PUF60: variants seen among roughly 807,000 people sequenced by gnomAD.
PUF60 encodes poly(U)-binding-splicing factor PUF60.
A neutral mutation model predicts 61.8 loss-of-function variants in PUF60; 10 were observed. The observed-to-expected ratio is 0.16, with a 90% confidence interval of 0.10 to 0.27. The LOEUF (loss-of-function observed/expected upper bound fraction) is 0.27, where lower values mean the gene tolerates loss of function less well. Among genes scored for constraint, PUF60 ranks in the 10% least tolerant of loss-of-function variants. The pLI, the probability that PUF60 is intolerant of heterozygous loss-of-function variation, is 1.00. For synonymous variants in PUF60, 353 were observed against 300.9 expected (o/e 1.17, Z -1.79); for missense variants, 371 against 754.0 (o/e 0.49, Z 5.95).
At chr8:143,821,386 G>A (rs535966661) in intron 4 of PUF60, 7 of 605,310 alleles carry the variant, frequency 1.2e-5, no homozygotes, top group African/African-American at 1.8e-5. Flanking sequence ...GGGCTGCGGC[G>A]CTTTAGGGGC....
chr8:143,824,263 C>CCCTCT (rs1817380083), intron 2 of PUF60, 50 bp downstream of exon 2: 22 of 1,460,972 alleles, frequency 1.5e-5, no homozygotes, highest in Non-Finnish European at 2.0e-5. Context: ...GGCGGGCGGG[C>CCCTCT]GGGCGGGCAG....
chr8:143,817,678 G>T lies in PUF60; in HGVS notation c.922C>A (p.Pro308Thr). Residue 308 changes from proline (P) to threonine (T), a missense_variant, in exon 9 of 12, where the codon CCC becomes ACC. Around this residue, in one of 13 missense-constraint regions of PUF60, gnomAD observed 17 missense variants for 19.2 expected, o/e 0.89. Coordinates refer to ENST00000526683, the MANE Select transcript of PUF60 (RefSeq NM_078480.3). The surrounding 1 kb of genome is among the most constrained non-coding windows in gnomAD (Gnocchi z 7.4). ...CCAGGCGTGGCTGGTGTGAGTAGGG[G>T]CATGGGCGGTGTGACAGCCTTGCCC... ...RVGKAVTPPM[P>T]LLTPATPGGL... is the part of the protein sequence containing the mutation. The T allele has an allele frequency of 6.2e-7, 1 of 1,612,668 alleles. No homozygotes were observed. The highest frequency in any genetic ancestry group is 8.5e-7 in the Non-Finnish European group (1 of 1,179,864).
chr8:143,823,878 G>A (rs1817307471), intron 2 of PUF60, among the ~76,000 whole-genome samples: 1 of 152,274 alleles, frequency 6.6e-6, no homozygotes, highest in Non-Finnish European at 1.5e-5. Flanking sequence ...CTTGCGCATT[G>A]CTTCACTGTT....
In PUF60 at chr8:143,817,878, C is replaced by T; in HGVS notation, c.801G>A (p.Lys267=). The part of the protein sequence containing the change: ...LARDPTTGKH[K]GYGFIEYEKA... Reference sequence around the variant, plus strand: ...CCAGCTCACCAATGAAGCCGTAGCCCTTGTGCTTGCCAGTTGTGGGGTCCC... The same window carrying T: ...CCAGCTCACCAATGAAGCCGTAGCCTTTGTGCTTGCCAGTTGTGGGGTCCC... The change falls in exon 8 of 12, where the codon AAG becomes AAA. Residue 267 remains lysine (K), a synonymous_variant. Coordinates refer to ENST00000526683, the MANE Select transcript of PUF60 (RefSeq NM_078480.3). This position sits in a 1 kb window ranked among gnomAD's most constrained non-coding sequence, Gnocchi z 7.4. The T allele has an allele frequency of 3.1e-6, 5 of 1,612,384 alleles. No individual in the cohort carries two copies. Among genetic ancestry groups the T allele is most frequent in the Admixed American group, 1.7e-5 (1 of 59,998 alleles).
Position 143,818,102 on chromosome 8 carries a change from G to C in PUF60, c.604-27C>G, listed in dbSNP as rs1451958399. ...TGGGGAAGAGGCGGTGAGATGGAAA[G>C]ACCGGTCAACCCAGGCCCGGCCACA... On this transcript the variant is annotated intron_variant, in intron 7 of 11. Transcript: ENST00000526683. This position sits in a 1 kb window ranked among gnomAD's most constrained non-coding sequence, Gnocchi z 7.9. 20 of 1,608,022 alleles carry C rather than the reference G, an allele frequency of 1.2e-5. No individual in the cohort carries two copies. Among genetic ancestry groups the C allele is most frequent in the Non-Finnish European group, 1.7e-5 (20 of 1,177,404 alleles).
Position 143,817,270 on chromosome 8 carries a change from G to A in PUF60, c.1144+61C>T, listed in dbSNP as rs1833166188. ...GACCACCAGGGCCAGGCAGCTGAGGGCAGCGAGCCGAGAGATGCCAGGACA... is the reference window on the plus strand; with the variant it reads ...GACCACCAGGGCCAGGCAGCTGAGGACAGCGAGCCGAGAGATGCCAGGACA... On this transcript the variant is annotated intron_variant, in intron 10 of 11. Transcript: ENST00000526683. The surrounding 1 kb of genome is among the most constrained non-coding windows in gnomAD (Gnocchi z 7.4). The A allele has an allele frequency of 1.3e-6, 2 of 1,546,932 alleles. No individual in the cohort carries two copies. Among genetic ancestry groups the A allele is most frequent in the South Asian group, 2.5e-5 (2 of 80,486 alleles).
intron 2 of PUF60, chr8:143,822,414 C>T (rs1184174062): frequency 2.3e-6 from 1 of 443,092 alleles, no homozygotes; most frequent in African/African-American, 2.0e-5. Context: ...AAGGGGCCCA[C>T]CCAAGGAGCT....
intron 11 of PUF60, 21 bp from the exon 12 acceptor site, chr8:143,816,840 G>T (rs1204398748): frequency 2.5e-6 from 4 of 1,608,154 alleles, no homozygotes; most frequent in African/African-American, 2.7e-5. Flanking sequence ...GGGCCGAGGG[G>T]AAGACAGCTG....
intron 1 of PUF60, 52 bp downstream of exon 1, chr8:143,829,228 A>G: frequency 1.6e-6 from 2 of 1,238,778 alleles, no homozygotes; most frequent in Non-Finnish European, 2.0e-6. Flanking sequence ...TGGGTCGACG[A>G]CCCGGCCCCG....
At chr8:143,828,469 G>T (rs1348974191) in intron 1 of PUF60, among the ~76,000 whole-genome samples, 1 of 152,216 alleles carries the variant, frequency 6.6e-6, no homozygotes, top group Non-Finnish European at 1.5e-5. Flanking sequence ...TGTGTGCATG[G>T]GTGTTCTCCC....
rs1176092807 is a variant in PUF60 at position 143,816,904 on chromosome 8, G to A, written c.1380+6C>T. ...TCCCCCGCCACCACCCTGCCCCTCT[G>A]CCTACCTCCTGCTTGCGGAGCAGCT... On this transcript the variant is annotated splice_donor_region_variant and intron_variant, in intron 11 of 11. Transcript: ENST00000526683. The A allele has an allele frequency of 6.5e-7, 1 of 1,548,284 alleles. No homozygotes were observed.
chr8:143,827,342 G>C (rs1398954653), intron 1 of PUF60: 1 of 456,114 alleles, frequency 2.2e-6, no homozygotes, highest in Admixed American at 2.3e-5. Context: ...TGAAGAGAAC[G>C]GAGCCATGCG....
chr8:143,821,106 C>T (rs1394280053), intron 4 of PUF60, among the ~76,000 whole-genome samples: 5 of 152,256 alleles, frequency 3.3e-5, no homozygotes, highest in Admixed American at 3.3e-4. Flanking sequence ...ATCGCAGCCT[C>T]CGGCCACAGG....
In PUF60 at chr8:143,824,359, G is replaced by A. The variant is rs1437292352; in HGVS notation, c.65C>T (p.Ala22Val). Residue 22 changes from alanine (A) to valine (V), a missense_variant, in exon 2 of 12, where the codon GCG (alanine) becomes GTG (valine). By Grantham distance (64) the Ala-to-Val change is moderately conservative. Coordinates refer to ENST00000526683, the MANE Select transcript of PUF60 (RefSeq NM_078480.3). ...GQQGGGSEPA[A>V]AAAVVAAGDK... is the part of the protein sequence containing the mutation. Reference sequence around the variant, plus strand: ...TCCCGCTGCCACCACTGCCGCCGCCGCCGCCGGCTCGGACCCCCCTCCTTG... The same window carrying A: ...TCCCGCTGCCACCACTGCCGCCGCCACCGCCGGCTCGGACCCCCCTCCTTG... 29 of 1,612,556 alleles carry A rather than the reference G, an allele frequency of 1.8e-5. No individual in the cohort carries two copies. Among genetic ancestry groups the A allele is most frequent in the East Asian group, 4.5e-5 (2 of 44,876 alleles).
At position 143,818,726 on chromosome 8, in the gene PUF60, G is replaced by T. The variant is rs1324520729; in HGVS notation, c.349-192C>A. The T allele has an allele frequency of 6.3e-6, 4 of 638,114 alleles. No individual in the cohort carries two copies. The highest frequency in any genetic ancestry group is 1.1e-5 in the Non-Finnish European group (4 of 378,938). The allele number at this position is 638,114 out of a possible 1,614,324, so 39.5% of individuals were successfully genotyped here. On this transcript the variant is annotated intron_variant, in intron 5 of 11. Coordinates refer to ENST00000526683, the MANE Select transcript of PUF60 (RefSeq NM_078480.3). This position sits in a 1 kb window ranked among gnomAD's most constrained non-coding sequence, Gnocchi z 7.9. ...GGACCCCGCCACCCAAAGAAGGAAG[G>T]CCAGGCCCAGCGGCAGGACAGGACG...
chr8:143,819,496 T>C (rs1816770980), intron 5 of PUF60, among the ~76,000 whole-genome samples: 1 of 152,168 alleles, frequency 6.6e-6, no homozygotes, highest in Non-Finnish European at 1.5e-5. Flanking sequence ...ACAAAAGGCC[T>C]TGTGGCCAGA....
rs1387222383 is a variant in PUF60, at chr8:143,816,345, C to T, written c.*175G>A. 1 of 697,786 alleles carries T rather than the reference C, an allele frequency of 1.4e-6. No individual in the cohort carries two copies. The highest frequency in any genetic ancestry group is 2.3e-6 in the Non-Finnish European group (1 of 426,750). 43.2% of individuals were successfully genotyped at this position (697,786 alleles called of 1,614,324 possible). A position where few individuals can be genotyped will look rare whatever the true frequency, so the allele number is the denominator to read the frequency against. ...CCCCCTAAGGACACACGCCCAGGAT[C>T]GGTGACAGGACCGACGGCAGACACA... On this transcript the variant is annotated 3_prime_UTR_variant, in exon 12 of 12. Coordinates refer to ENST00000526683, the MANE Select transcript of PUF60 (RefSeq NM_078480.3).
At position 143,817,258 on chromosome 8, in the gene PUF60, A is replaced by T; in HGVS notation, c.1144+73T>A. Reference sequence around the variant, plus strand: ...GGGTTGTGCCCAGACCACCAGGGCCAGGCAGCTGAGGGCAGCGAGCCGAGA... The same window carrying T: ...GGGTTGTGCCCAGACCACCAGGGCCTGGCAGCTGAGGGCAGCGAGCCGAGA... On this transcript the variant is annotated intron_variant, in intron 10 of 11. Transcript: ENST00000526683. The surrounding 1 kb of genome is among the most constrained non-coding windows in gnomAD (Gnocchi z 7.4). 2 of 1,535,864 alleles carry T rather than the reference A, an allele frequency of 1.3e-6. No homozygotes were observed. Among genetic ancestry groups the T allele is most frequent in the Non-Finnish European group, 1.7e-6 (2 of 1,143,224 alleles).
chr8:143,817,275 G>A lies in PUF60; in HGVS notation c.1144+56C>T, dbSNP rs149920434. The A allele has an allele frequency of 7.4e-5, 115 of 1,552,212 alleles. No homozygotes were observed. Among genetic ancestry groups the A allele is most frequent in the African/African-American group, 3.6e-4 (26 of 72,430 alleles). ...CCAGGGCCAGGCAGCTGAGGGCAGC[G>A]AGCCGAGAGATGCCAGGACAGGAGA... is the stretch of plus-strand genomic sequence containing the variant. On this transcript the variant is annotated intron_variant, in intron 10 of 11. Coordinates refer to ENST00000526683, the MANE Select transcript of PUF60 (RefSeq NM_078480.3). This position sits in a 1 kb window ranked among gnomAD's most constrained non-coding sequence, Gnocchi z 7.4.
Sources: gnomAD v4.1 joint callset for allele counts (sites outside exome capture counted in the v4.1 genomes callset) on GRCh38, gnomAD v4.1.1 for gene constraint, gnomAD v4.1.1 regional missense constraint, Gnocchi (gnomAD v3.1) non-coding constraint, MANE v1.5 for transcripts, NCBI Gene and HGNC (gene_info 2026-07-23, HGNC 2026-07-21) for gene names.